The following VDAC2 variants were observed in gnomAD, a reference collection of about 807,000 sequenced individuals.
The protein encoded by VDAC2 is non-selective voltage-gated ion channel VDAC2.
VDAC2 carries 6 observed loss-of-function variants against 36.6 expected under a neutral mutation model. The ratio of observed to expected loss-of-function variants is 0.16; its 90% CI spans 0.09 to 0.32. VDAC2 has a LOEUF of 0.32. Among genes scored for constraint, VDAC2 ranks in the 10% least tolerant of loss-of-function variants. The pLI, the probability that VDAC2 is intolerant of heterozygous loss-of-function variation, is 1.00. For missense variants in VDAC2, 247 were observed against 346.0 expected, an observed-to-expected ratio of 0.71 and a Z score of 2.27; for synonymous variants, 109 against 123.8, an observed-to-expected ratio of 0.88 and a Z score of 0.79.
chr10:75,211,155 C>T lies in VDAC2; in HGVS notation c.-4C>T, dbSNP rs1484428388. 1 of 1,612,376 alleles carries T rather than the reference C, an allele frequency of 6.2e-7. No homozygotes were observed. Among genetic ancestry groups the T allele is most frequent in the South Asian group, 1.1e-5 (1 of 90,728 alleles). ...GCAGATTCCCCTCTTCCCGCGGCCT[C>T]GCCATGGCGACCCACGGACAGACTT... On this transcript the variant is annotated 5_prime_UTR_variant, in exon 2 of 10. Coordinates refer to ENST00000332211, the MANE Select transcript of VDAC2 (RefSeq NM_001391963.1).
intron 4 of VDAC2, among the ~76,000 whole-genome samples, chr10:75,216,767 T>G (rs2132259763): frequency 6.6e-6 from 1 of 152,316 alleles, no homozygotes; most frequent in East Asian, 1.9e-4. Flanking sequence ...GTCATTAATG[T>G]CATTCAGGAT....
intron 4 of VDAC2, among the ~76,000 whole-genome samples, chr10:75,214,966 T>A (rs1841553925): frequency 6.6e-6 from 1 of 151,950 alleles, no homozygotes; most frequent in Non-Finnish European, 1.5e-5. Flanking sequence ...GTGCAGTGAG[T>A]GCAGTGGCAC....
At chr10:75,229,602 T>C (rs1216416817) in intron 8 of VDAC2, 42 bp from the exon 9 acceptor site, 5 of 1,494,934 alleles carry the variant, frequency 3.3e-6, no homozygotes, top group Non-Finnish European at 4.6e-6. Flanking sequence ...TTTGTCTCTA[T>C]TGAAATATTT....
chr10:75,220,237 C>G (rs540159685), intron 6 of VDAC2, among the ~76,000 whole-genome samples: 26 of 152,172 alleles, frequency 1.7e-4, no homozygotes, highest in Non-Finnish European at 3.1e-4. Flanking sequence ...TCCTGAGTAG[C>G]TGGGATTACA....
intron 4 of VDAC2, among the ~76,000 whole-genome samples, chr10:75,218,775 G>A (rs377767173): frequency 1.3e-5 from 2 of 151,946 alleles, no homozygotes; most frequent in Middle Eastern, 3.4e-3. Flanking sequence ...AAAAAAAAAG[G>A]TGTACAGTTT....
At chr10:75,222,979 C>CTTTT (rs34279627) in intron 8 of VDAC2, among the ~76,000 whole-genome samples, 3 of 138,002 alleles carry the variant, frequency 2.2e-5, no homozygotes, top group African/African-American at 2.7e-5. Flanking sequence ...ATCACTTTGT[C>CTTTT]TTTTTTTTTT....
At chr10:75,227,585 T>TTTTTTTTG (rs1293492707) in intron 8 of VDAC2, among the ~76,000 whole-genome samples, 10 of 143,666 alleles carry the variant, frequency 7.0e-5, no homozygotes, top group African/African-American at 2.4e-4. Context: ...GAATTTTTTT[T>TTTTTTTTG]TTTTTTTTTT....
At chr10:75,228,116 G>A (rs1373516874) in intron 8 of VDAC2, among the ~76,000 whole-genome samples, 4 of 150,298 alleles carry the variant, frequency 2.7e-5, no homozygotes, top group Admixed American at 6.6e-5. Flanking sequence ...GGATGGTCTC[G>A]ATTTCCTGAC....
chr10:75,211,676 A>G (rs781214667), intron 2 of VDAC2: 45 of 1,550,490 alleles, frequency 2.9e-5, no homozygotes, highest in Non-Finnish European at 3.7e-5. Flanking sequence ...TTGAAGCGCT[A>G]TTTGATATTT....
intron 4 of VDAC2, 47 bp downstream of exon 4, chr10:75,214,117 C>T (rs1841523945): frequency 6.3e-7 from 1 of 1,587,192 alleles, no homozygotes. Context: ...TATAATTTTT[C>T]AACTTGTAAA....
At chr10:75,225,109 G>GT (rs761199085) in intron 8 of VDAC2, among the ~76,000 whole-genome samples, 2 of 152,178 alleles carry the variant, frequency 1.3e-5, no homozygotes, top group Non-Finnish European at 2.9e-5. Flanking sequence ...GTGAAATTGA[G>GT]TTGAAGCCTC....
chr10:75,228,176 G>A (rs1037737498), intron 8 of VDAC2, among the ~76,000 whole-genome samples: 2 of 151,746 alleles, frequency 1.3e-5, no homozygotes, highest in African/African-American at 4.8e-5. Context: ...TTACAGGCGT[G>A]AGCCACTGCG....
At chr10:75,226,498 G>T (rs185595030) in intron 8 of VDAC2, among the ~76,000 whole-genome samples, 9 of 142,840 alleles carry the variant, frequency 6.3e-5, no homozygotes, top group Admixed American at 1.4e-4. Flanking sequence ...TGTCATCCAG[G>T]CTGGATGGAG....
chr10:75,214,553 C>G (rs1841538286), intron 4 of VDAC2, among the ~76,000 whole-genome samples: 1 of 151,718 alleles, frequency 6.6e-6, no homozygotes, highest in Admixed American at 6.6e-5. Context: ...GAGACGGAGT[C>G]TCACTGTGTC....
At chr10:75,230,686 TG>T (rs1363347023) in intron 9 of VDAC2, among the ~76,000 whole-genome samples, 1 of 152,242 alleles carries the variant, frequency 6.6e-6, no homozygotes, top group Non-Finnish European at 1.5e-5. Context: ...AACATTTCTC[TG>T]TGACTTGGTG....
At chr10:75,226,624 G>A (rs1056713032) in intron 8 of VDAC2, among the ~76,000 whole-genome samples, 3 of 151,746 alleles carry the variant, frequency 2.0e-5, no homozygotes, top group Non-Finnish European at 4.4e-5. Flanking sequence ...CACCAAGCCC[G>A]ACTAATTTTT....
chr10:75,226,223 G>A (rs1473720757), intron 8 of VDAC2, among the ~76,000 whole-genome samples: 3 of 151,872 alleles, frequency 2.0e-5, no homozygotes, highest in Non-Finnish European at 4.4e-5. Context: ...ACAGATATAT[G>A]GACCTTTTTG....
chr10:75,224,581 T>C (rs1433214061), intron 8 of VDAC2, among the ~76,000 whole-genome samples: 1 of 151,680 alleles, frequency 6.6e-6, no homozygotes, highest in Non-Finnish European at 1.5e-5. Context: ...TCCAAGGGAG[T>C]TGGTTCACTG....
chr10:75,214,344 G>A (rs1841531858), intron 4 of VDAC2, among the ~76,000 whole-genome samples: 1 of 152,200 alleles, frequency 6.6e-6, no homozygotes, highest in South Asian at 2.1e-4. Context: ...TTTGAAGGCA[G>A]GGAACCCATT....
Sources: gnomAD v4.1 joint callset for allele counts (sites outside exome capture counted in the v4.1 genomes callset) on GRCh38, gnomAD v4.1.1 for gene constraint, MANE v1.5 for transcripts, NCBI Gene and HGNC (gene_info 2026-07-23, HGNC 2026-07-21) for gene names.